LIN52: variants seen among roughly 807,000 people sequenced by gnomAD.
LIN52 encodes the protein protein lin-52 homolog.
In LIN52, 4 loss-of-function variants were observed where a neutral mutation model predicts 18.5. The observed-to-expected ratio is 0.22, with a 90% CI of 0.11 to 0.49. The LOEUF is 0.49. Among genes scored for constraint, LIN52 ranks in the 20% least tolerant of loss-of-function variants. The probability of loss-of-function intolerance (pLI) is 0.97; values close to 1 mark genes in which losing one functional copy is unlikely to be tolerated. For synonymous variants in LIN52, 34 were observed against 45.5 expected (o/e 0.75, Z 1.02); for missense variants, 102 against 139.5 (o/e 0.73, Z 1.35).
chr14:74,194,714 G>A lies in LIN52; in HGVS notation c.284-4208G>A, dbSNP rs114834400. Among the ~76,000 whole-genome samples, 1,053 of 152,236 alleles carry A rather than the reference G, an allele frequency of 6.9e-3. 14 individuals carry two copies. Among genetic ancestry groups the A allele is most frequent in the African/African-American group, 0.024 (1,013 of 41,538 alleles). On this transcript the variant is annotated intron_variant, in intron 5 of 5. Transcript: ENST00000555028. ...CCTGTAAATCATGACTTGACATAGG[G>A]GTCATGCTTCTCTCCTGCACGGCAT...
chr14:74,093,998 AG>A lies in LIN52; in HGVS notation c.95-1948del, dbSNP rs1256626177. ...AACTCTGTCTCAAAAAAAAAAAAAA[AG>A]GTACAAATCCTTTTGACCTATTTTA... On this transcript the variant is annotated intron_variant, in intron 2 of 5. Transcript: ENST00000555028. 3.3e-5 allele frequency among the ~76,000 whole-genome samples: 5 copies of A among 151,802 alleles called. No individual in the cohort carries two copies. In the East Asian group the frequency reaches 9.7e-4, roughly 29 times the overall value.
chr14:74,174,866 G>A (rs2139578417), intron 5 of LIN52: 1 of 151,800 alleles, frequency 6.6e-6, no homozygotes, highest in African/African-American at 2.4e-5. Flanking sequence ...AATTAGCCAG[G>A]TATGATGGTG....
intron 5 of LIN52, among the ~76,000 whole-genome samples, chr14:74,122,272 T>C (rs2061004489): frequency 1.3e-5 from 2 of 152,224 alleles, no homozygotes; most frequent in African/African-American, 4.8e-5. Flanking sequence ...TGTAGCTATG[T>C]AGGAGAATAT....
chr14:74,137,498 C>CTTTTTTTTTTTTTTTTTTTT (rs71460959), intron 5 of LIN52, among the ~76,000 whole-genome samples: 10 of 111,598 alleles, frequency 9.0e-5, no homozygotes, highest in African/African-American at 2.2e-4. Flanking sequence ...CAGCAGCTCT[C>CTTTTTTTTTTTTTTTTTTTT]TTTTTTTTTT....
At chr14:74,185,437 C>T (rs2061336971) in intron 5 of LIN52, among the ~76,000 whole-genome samples, 2 of 149,934 alleles carry the variant, frequency 1.3e-5, no homozygotes, top group South Asian at 2.1e-4. Flanking sequence ...GCCTCAGCCT[C>T]CCGGTTAGCT....
At chr14:74,118,487 C>T (rs1016958203) in intron 5 of LIN52, among the ~76,000 whole-genome samples, 2 of 152,146 alleles carry the variant, frequency 1.3e-5, no homozygotes, top group African/African-American at 2.4e-5. Context: ...AGATACAGAA[C>T]GTTGCGCCTG....
intron 5 of LIN52, among the ~76,000 whole-genome samples, chr14:74,187,054 G>GTACTCACCAC (rs1232860719): frequency 5.3e-5 from 8 of 152,146 alleles, no homozygotes; most frequent in Non-Finnish European, 1.2e-4. Flanking sequence ...TCCAGCCTGG[G>GTACTCACCAC]TGACGGGGTG....
chr14:74,186,371 C>T (rs1205536197), intron 5 of LIN52, among the ~76,000 whole-genome samples: 1 of 152,162 alleles, frequency 6.6e-6, no homozygotes, highest in Non-Finnish European at 1.5e-5. Flanking sequence ...TATATTATTT[C>T]AACAGATTGT....
In LIN52 at chr14:74,135,819, G is replaced by T. The variant is rs959680318; in HGVS notation, c.283+34581G>T. Among the ~76,000 whole-genome samples, 7 of 148,516 alleles carry T rather than the reference G, an allele frequency of 4.7e-5. No individual in the cohort carries two copies. In the South Asian group the frequency reaches 6.4e-4, roughly 13 times the overall value. On this transcript the variant is annotated intron_variant, in intron 5 of 5. Coordinates refer to ENST00000555028, the MANE Select transcript of LIN52 (RefSeq NM_001024674.3). ...TTCTTGTCCTCCTTTAGAACAGGGA[G>T]TTTTTTTTTTTTAACTCCTTAAAAC...
At chr14:74,161,814 A>C (rs2061226249) in intron 5 of LIN52, among the ~76,000 whole-genome samples, 1 of 152,238 alleles carries the variant, frequency 6.6e-6, no homozygotes, top group South Asian at 2.1e-4. Context: ...GAGACCCTGC[A>C]CGCCAACCTG....
intron 5 of LIN52, among the ~76,000 whole-genome samples, chr14:74,132,532 C>T (rs1395361580): frequency 2.0e-5 from 3 of 152,066 alleles, no homozygotes; most frequent in Admixed American, 1.3e-4. Flanking sequence ...TTTTTTGAGA[C>T]GGAGTCTTAC....
intron 5 of LIN52, among the ~76,000 whole-genome samples, chr14:74,112,293 CTTGT>C (rs1213747649): frequency 1.3e-5 from 2 of 150,410 alleles, no homozygotes; most frequent in African/African-American, 2.4e-5. Context: ...TACATATTTC[CTTGT>C]TTGTTTGTTT....
chr14:74,114,511 G>A lies in LIN52; in HGVS notation c.283+13273G>A, dbSNP rs564128784. ...GTAAATGTCTGGATGGGGATGTTAC[G>A]GGATAAGCTGAAATTAGAGCTTACC... On this transcript the variant is annotated intron_variant, in intron 5 of 5. Transcript: ENST00000555028. 1.5e-4 allele frequency: 113 copies of A among 778,222 alleles called. 1 individual carries two copies. The highest frequency in any genetic ancestry group is 3.9e-4 in the East Asian group (3 of 7,762). The allele number at this position is 778,222 out of a possible 1,614,324, so 48.2% of individuals were successfully genotyped here. A position where few individuals can be genotyped will look rare whatever the true frequency, so the allele number is the denominator to read the frequency against.
intron 1 of LIN52, among the ~76,000 whole-genome samples, chr14:74,090,403 T>A (rs1233079495): frequency 2.0e-5 from 3 of 152,102 alleles, no homozygotes; most frequent in Non-Finnish European, 4.4e-5. Context: ...TGGTGCAATC[T>A]TGGCTCACTG....
At chr14:74,160,739 C>G (rs1478200943) in intron 5 of LIN52, among the ~76,000 whole-genome samples, 1 of 152,198 alleles carries the variant, frequency 6.6e-6, no homozygotes, top group African/African-American at 2.4e-5. Flanking sequence ...ATCTAATACT[C>G]TCTGGGCATT....
intron 5 of LIN52, among the ~76,000 whole-genome samples, chr14:74,147,557 G>T (rs2061157454): frequency 6.6e-6 from 1 of 152,184 alleles, no homozygotes; most frequent in South Asian, 2.1e-4. Context: ...GTTCATAGTA[G>T]CATTATTCAC....
At chr14:74,097,744 G>T in intron 3 of LIN52, 50 bp from the exon 4 acceptor site, 1 of 1,315,746 alleles carries the variant, frequency 7.6e-7, no homozygotes, top group Non-Finnish European at 1.1e-6. Flanking sequence ...GAATAATAGG[G>T]TCTCCTCACA....
intron 1 of LIN52, among the ~76,000 whole-genome samples, chr14:74,090,975 C>A (rs1015798190): frequency 1.3e-5 from 2 of 152,130 alleles, no homozygotes. Flanking sequence ...AATGAAGATG[C>A]AGGTGGGTTC....
chr14:74,197,938 G>A (rs181597293), intron 5 of LIN52, among the ~76,000 whole-genome samples: 3 of 152,318 alleles, frequency 2.0e-5, no homozygotes, highest in African/African-American at 7.2e-5. Context: ...TGCCTCCCTA[G>A]CCACCTCACT....
Sources: gnomAD v4.1 joint callset for allele counts (sites outside exome capture counted in the v4.1 genomes callset) on GRCh38, gnomAD v4.1.1 for gene constraint, MANE v1.5 for transcripts, NCBI Gene and HGNC (gene_info 2026-07-23, HGNC 2026-07-21) for gene names.